The following LRBA variants were observed in gnomAD, a reference collection of about 807,000 sequenced individuals.
LRBA encodes lipopolysaccharide-responsive and beige-like anchor protein.
In LRBA, 176 loss-of-function variants were observed where a neutral mutation model predicts 330.0. That is an observed-to-expected ratio of 0.53 (90% CI 0.47 to 0.60). The LOEUF is 0.60. Ranked by LOEUF, LRBA falls within the 20% of genes least tolerant of loss-of-function variation. The pLI is 0.00. For missense variants in LRBA, 3,259 were observed against 3,444.8 expected, an observed-to-expected ratio of 0.95 and a Z score of 1.35; for synonymous variants, 1,230 against 1,193.0, an observed-to-expected ratio of 1.03 and a Z score of -0.64.
chr4:150,806,166 C>T (rs1453881451), intron 33 of LRBA, 105 bp downstream of exon 33: 25 of 818,190 alleles, frequency 3.1e-5, no homozygotes, highest in Non-Finnish European at 4.5e-5. Context: ...TTGTCAAAGG[C>T]TGACAACACT....
intron 22 of LRBA, among the ~76,000 whole-genome samples, chr4:150,854,288 T>G (rs1007858921): frequency 6.6e-6 from 1 of 152,228 alleles, no homozygotes; most frequent in Non-Finnish European, 1.5e-5. Flanking sequence ...TTTTATAATA[T>G]TTCAACAATA....
chr4:150,826,429 G>A (rs1172237774), intron 30 of LRBA, among the ~76,000 whole-genome samples: 1 of 152,126 alleles, frequency 6.6e-6, no homozygotes, highest in Non-Finnish European at 1.5e-5. Context: ...AATGCAGTTG[G>A]GTTTATGATC....
chr4:150,527,452 T>A (rs1763596433), intron 40 of LRBA, among the ~76,000 whole-genome samples: 1 of 152,226 alleles, frequency 6.6e-6, no homozygotes, highest in Non-Finnish European at 1.5e-5. Flanking sequence ...TTAAAGGATA[T>A]GTACTTCTTA....
intron 31 of LRBA, among the ~76,000 whole-genome samples, chr4:150,813,415 T>A (rs1744080279): frequency 6.6e-6 from 1 of 152,122 alleles, no homozygotes; most frequent in South Asian, 2.1e-4. Context: ...GATAAAATGC[T>A]GCATAAGCTA....
chr4:150,590,592 C>T (rs1266504924), intron 39 of LRBA, 121 bp downstream of exon 39: 4 of 774,048 alleles, frequency 5.2e-6, no homozygotes, highest in Non-Finnish European at 8.3e-6. Context: ...TTTGAAATAA[C>T]CAATTAATGT....
intron 34 of LRBA, among the ~76,000 whole-genome samples, chr4:150,783,581 G>A (rs1042768684): frequency 6.6e-6 from 1 of 152,170 alleles, no homozygotes; most frequent in Non-Finnish European, 1.5e-5. Flanking sequence ...TCTAAATGAA[G>A]AATTTACAGA....
In LRBA at chr4:150,771,727, G is replaced by A. The variant is rs142935812; in HGVS notation, c.5581-9880C>T. ...CTGCCAGCAGATTTGACACTCAGCA[G>A]TGGCCACAGCCAGGTTGGCTTGCTG... is the stretch of plus-strand genomic sequence containing the variant. On this transcript the variant is annotated intron_variant, in intron 34 of 56. Coordinates refer to ENST00000651943, the MANE Select transcript of LRBA (RefSeq NM_001364905.1). Among the ~76,000 whole-genome samples the A allele has an allele frequency of 6.8e-4, 104 of 152,302 alleles. 2 individuals are homozygous for A. In the East Asian group the frequency reaches 0.02, roughly 29 times the overall value.
chr4:150,935,478 T>C (rs1454224323), intron 2 of LRBA, among the ~76,000 whole-genome samples: 2 of 152,090 alleles, frequency 1.3e-5, no homozygotes, highest in Middle Eastern at 3.2e-3. Flanking sequence ...TTTTCCACTT[T>C]TGATAAATGA....
intron 42 of LRBA, among the ~76,000 whole-genome samples, chr4:150,475,422 T>C (rs1159162167): frequency 6.6e-6 from 1 of 152,230 alleles, no homozygotes; most frequent in Non-Finnish European, 1.5e-5. Flanking sequence ...CTTTTCTTTA[T>C]GGAAAGATTT....
At chr4:150,323,139 G>A (rs181810591) in intron 49 of LRBA, among the ~76,000 whole-genome samples, 2 of 152,004 alleles carry the variant, frequency 1.3e-5, no homozygotes, top group Admixed American at 1.3e-4. Flanking sequence ...CACAAAGAAC[G>A]TTTTATATAG....
At chr4:150,508,723 A>T (rs759200364) in intron 40 of LRBA, among the ~76,000 whole-genome samples, 12 of 152,238 alleles carry the variant, frequency 7.9e-5, no homozygotes, top group Non-Finnish European at 1.3e-4. Context: ...AAACACAAGA[A>T]GCAAAAACTG....
At chr4:150,714,513 T>C (rs1017619872) in intron 36 of LRBA, among the ~76,000 whole-genome samples, 3 of 152,058 alleles carry the variant, frequency 2.0e-5, no homozygotes, top group African/African-American at 7.2e-5. Flanking sequence ...AAGATTCCAA[T>C]CTAACTAAAA....
At chr4:150,324,327 T>C (rs922279554) in intron 49 of LRBA, among the ~76,000 whole-genome samples, 1 of 152,224 alleles carries the variant, frequency 6.6e-6, no homozygotes, top group African/African-American at 2.4e-5. Flanking sequence ...TTCTTACTAT[T>C]TTTATGGCAC....
At chr4:150,782,852 T>C (rs187818944) in intron 34 of LRBA, among the ~76,000 whole-genome samples, 1 of 152,174 alleles carries the variant, frequency 6.6e-6, no homozygotes, top group East Asian at 1.9e-4. Flanking sequence ...TACCAGCAAG[T>C]GCAAATTCAA....
At chr4:150,319,672 G>A (rs1365815436) in intron 50 of LRBA, among the ~76,000 whole-genome samples, 1 of 152,000 alleles carries the variant, frequency 6.6e-6, no homozygotes, top group Non-Finnish European at 1.5e-5. Context: ...AATCTATTTT[G>A]TAGTCAAATA....
At chr4:150,322,993 CTCTGTGTG>C (rs1230704476) in intron 49 of LRBA, among the ~76,000 whole-genome samples, 1 of 23,050 alleles carries the variant, frequency 4.3e-5, no homozygotes, top group Non-Finnish European at 1.6e-4. Context: ...TTGTGTGTGT[CTCTGTGTG>C]TGTGTGTGTG....
At chr4:150,272,094 G>A (rs928123673) in intron 56 of LRBA, among the ~76,000 whole-genome samples, 11 of 152,160 alleles carry the variant, frequency 7.2e-5, no homozygotes, top group East Asian at 1.9e-4. Context: ...GAGCTCTGGC[G>A]GAGGCCCCTC....
At chr4:150,582,786 A>G in intron 40 of LRBA, 1 of 455,692 alleles carries the variant, frequency 2.2e-6, no homozygotes. Context: ...TTCTTTTTAG[A>G]AAATCACCTT....
intron 47 of LRBA, among the ~76,000 whole-genome samples, chr4:150,400,128 G>C (rs1485153624): frequency 6.6e-6 from 1 of 152,200 alleles, no homozygotes; most frequent in Admixed American, 6.5e-5. Flanking sequence ...TAGTTTTCAA[G>C]AGATGAAGTT....
Sources: allele counts gnomAD v4.1 joint callset (sites outside exome capture counted in the v4.1 genomes callset), GRCh38; gene constraint gnomAD v4.1.1; transcripts MANE v1.5; gene names NCBI Gene and HGNC (gene_info 2026-07-23, HGNC 2026-07-21).